TMPRSS3: variants seen among roughly 807,000 people sequenced by gnomAD.
TMPRSS3 encodes transmembrane serine protease 3, also known as transmembrane protease serine 3.
TMPRSS3 carries 55 observed loss-of-function variants against 59.6 expected under a neutral mutation model. That is an observed-to-expected ratio of 0.92 (90% confidence interval 0.74 to 1.16). The LOEUF (loss-of-function observed/expected upper bound fraction) is 1.16. Among genes scored for constraint, TMPRSS3 ranks in the 50% most tolerant of loss-of-function variants. The pLI is 0.00. For synonymous variants in TMPRSS3, 257 were observed against 237.7 expected (o/e 1.08, Z -0.75); for missense variants, 596 against 579.4 (o/e 1.03, Z -0.29).
intron 10 of TMPRSS3, among the ~76,000 whole-genome samples, chr21:42,377,980 C>T (rs2146426388): frequency 6.6e-6 from 1 of 152,360 alleles, no homozygotes; most frequent in South Asian, 2.1e-4. Flanking sequence ...CTCTTCAGAG[C>T]CCAGTGTCAT....
At chr21:42,394,825 C>G (rs940511743) in intron 2 of TMPRSS3, among the ~76,000 whole-genome samples, 2 of 152,210 alleles carry the variant, frequency 1.3e-5, no homozygotes, top group African/African-American at 4.8e-5. Context: ...CTAGAGAGTC[C>G]ACTGTTTTAT....
At chr21:42,375,616 G>C in intron 12 of TMPRSS3, 100 bp downstream of exon 12, 2 of 1,489,826 alleles carry the variant, frequency 1.3e-6, no homozygotes, top group African/African-American at 2.8e-5. Flanking sequence ...ACAACCACTG[G>C]GTCACGCCCT....
chr21:42,372,820 C>G (rs1220492197), intron 12 of TMPRSS3, 41 bp from the exon 13 acceptor site: 5 of 1,612,986 alleles, frequency 3.1e-6, no homozygotes, highest in Non-Finnish European at 4.2e-6. Flanking sequence ...TTAGCACTTC[C>G]AGCCATCCGT....
At chr21:42,379,187 A>G (rs1451532705) in intron 10 of TMPRSS3, among the ~76,000 whole-genome samples, 1 of 152,020 alleles carries the variant, frequency 6.6e-6, no homozygotes, top group Non-Finnish European at 1.5e-5. Flanking sequence ...CACCCGGCCC[A>G]GGCTAATTTT....
intron 9 of TMPRSS3, among the ~76,000 whole-genome samples, chr21:42,381,109 G>A (rs763742466): frequency 6.6e-6 from 1 of 152,040 alleles, no homozygotes; most frequent in Non-Finnish European, 1.5e-5. Flanking sequence ...TCAATAAGAG[G>A]GAATTAACCT....
chr21:42,394,065 C>T (rs1028459588), intron 2 of TMPRSS3, among the ~76,000 whole-genome samples: 17 of 152,138 alleles, frequency 1.1e-4, no homozygotes, highest in Admixed American at 9.8e-4. Flanking sequence ...ATGATGCCGT[C>T]GTGGGTAATT....
chr21:42,376,412 C>A (rs2146422961), intron 11 of TMPRSS3, 129 bp downstream of exon 11: 2 of 1,357,178 alleles, frequency 1.5e-6, no homozygotes, highest in African/African-American at 1.4e-5. Context: ...GGAGTGATAT[C>A]TTGAGCAAAT....
At chr21:42,389,342 C>T (rs1045842486) in intron 3 of TMPRSS3, among the ~76,000 whole-genome samples, 1 of 152,180 alleles carries the variant, frequency 6.6e-6, no homozygotes, top group African/African-American at 2.4e-5. Context: ...GGCGGGGGGC[C>T]GACCTGCTGA....
chr21:42,388,303 G>A lies in TMPRSS3; in HGVS notation c.446+100C>T, dbSNP rs368114978. ...GGATGTGAGGATGTAATCTGAGAGC[G>A]TTAAAGCACCCAATAGTGCCCAACT... On this transcript the variant is annotated intron_variant, in intron 5 of 12. Coordinates refer to ENST00000644384, the MANE Select transcript of TMPRSS3 (RefSeq NM_001256317.3). This position sits in a 1 kb window ranked among gnomAD's most constrained non-coding sequence, Gnocchi z 5.1. 6.9e-5 allele frequency: 106 copies of A among 1,529,888 alleles called. 1 individual carries two copies. Among genetic ancestry groups the A allele is most frequent in the South Asian group, 3.6e-4 (32 of 88,704 alleles). 94.8% of individuals were successfully genotyped at this position (1,529,888 alleles called of 1,614,324 possible). A position where few individuals can be genotyped will look rare whatever the true frequency, so the allele number is the denominator to read the frequency against.
chr21:42,376,778 G>T, intron 10 of TMPRSS3, 95 bp from the exon 11 acceptor site: 1 of 1,572,316 alleles, frequency 6.4e-7, no homozygotes, highest in Non-Finnish European at 8.7e-7. Context: ...AGGGAACGAG[G>T]GACGAGGGGG....
At chr21:42,376,466 G>C in intron 11 of TMPRSS3, 75 bp downstream of exon 11, 1 of 1,599,228 alleles carries the variant, frequency 6.3e-7, no homozygotes, top group Non-Finnish European at 8.5e-7. Flanking sequence ...CCTGTCACAG[G>C]GAAACGCTGG....
At chr21:42,375,614 T>C (rs2052411279) in intron 12 of TMPRSS3, 102 bp downstream of exon 12, 8 of 1,486,820 alleles carry the variant, frequency 5.4e-6, no homozygotes, top group Middle Eastern at 1.7e-4. Flanking sequence ...TGACAACCAC[T>C]GGGTCACGCC....
chr21:42,377,223 T>C (rs991817556), intron 10 of TMPRSS3, among the ~76,000 whole-genome samples: 4 of 152,168 alleles, frequency 2.6e-5, no homozygotes, highest in African/African-American at 4.8e-5. Context: ...AGTGGGGAGA[T>C]GATCCCAAGT....
rs1200979468 is a variant in TMPRSS3, at chr21:42,372,538, C to T, written c.*224G>A. ...TTTCGCCACTGCACTCCAGCCTGGG[C>T]AACAGAGCGAGACTCCATCTCAAAA... On this transcript the variant is annotated 3_prime_UTR_variant, in exon 13 of 13. Transcript: ENST00000644384. 1 of 672,674 alleles carries T rather than the reference C, an allele frequency of 1.5e-6. No homozygotes were observed. The highest frequency in any genetic ancestry group is 3.9e-4 in the Middle Eastern group (1 of 2,556). The allele number at this position is 672,674 out of a possible 1,614,324, so 41.7% of individuals were successfully genotyped here.
chr21:42,383,301 C>T, intron 7 of TMPRSS3, 103 bp from the exon 8 acceptor site: 2 of 1,297,794 alleles, frequency 1.5e-6, no homozygotes, highest in Non-Finnish European at 2.2e-6. Context: ...CCTCACTGCC[C>T]CTGCTCCCAG....
At chr21:42,395,505 A>G (rs1469286923) in intron 1 of TMPRSS3, 37 bp from the exon 2 acceptor site, 1 of 1,150,466 alleles carries the variant, frequency 8.7e-7, no homozygotes, top group South Asian at 1.3e-5. Flanking sequence ...TTGTTCCCCT[A>G]TTTATACTTG....
At chr21:42,377,570 G>A (rs964145812) in intron 10 of TMPRSS3, among the ~76,000 whole-genome samples, 7 of 152,214 alleles carry the variant, frequency 4.6e-5, no homozygotes, top group Non-Finnish European at 8.8e-5. Flanking sequence ...GTCGTTTGTT[G>A]CAACAGTCAC....
intron 10 of TMPRSS3, 35 bp downstream of exon 10, chr21:42,380,082 C>T (rs201868286): frequency 6.4e-7 from 1 of 1,570,814 alleles, no homozygotes; most frequent in Non-Finnish European, 8.8e-7. Flanking sequence ...GGTTCTGAGC[C>T]CCTGGACTCC....
intron 10 of TMPRSS3, among the ~76,000 whole-genome samples, chr21:42,377,846 T>A (rs1401136512): frequency 6.6e-6 from 1 of 152,218 alleles, no homozygotes; most frequent in Non-Finnish European, 1.5e-5. Flanking sequence ...AGGCTGGAGC[T>A]GAAGCTACAT....
Sources: gnomAD v4.1 joint callset for allele counts (sites outside exome capture counted in the v4.1 genomes callset) on GRCh38, gnomAD v4.1.1 for gene constraint, Gnocchi (gnomAD v3.1) non-coding constraint, MANE v1.5 for transcripts, NCBI Gene and HGNC (gene_info 2026-07-23, HGNC 2026-07-21) for gene names.